CASKIN1: variants seen among roughly 807,000 people sequenced by gnomAD.
CASKIN1 encodes the protein CASK interacting protein 1.
Under a neutral mutation model 117.5 loss-of-function variants are expected in CASKIN1, and 42 were observed. That is an observed-to-expected ratio of 0.36 (90% CI 0.28 to 0.46). CASKIN1 has a LOEUF of 0.46. CASKIN1 is among the 20% of genes least tolerant of loss of function. The pLI, the probability that CASKIN1 is intolerant of heterozygous loss-of-function variation, is 1.00. For missense variants in CASKIN1, 2,083 were observed against 2,077.3 expected, an observed-to-expected ratio of 1.00 and a Z score of -0.05; for synonymous variants, 1,148 against 961.7, an observed-to-expected ratio of 1.19 and a Z score of -3.59.
rs779786538 is a variant in CASKIN1 at position 2,187,386 on chromosome 16, G to A, written c.693C>T (p.Cys231=). The part of the protein sequence containing the change: ...SGTALHEAAL[C]GKTEVVRLLL... Reference sequence around the variant, plus strand: ...GCAGCCGCACCACCTCTGTCTTTCCGCAGAGCGCAGCCTCGTGCAGGGCCG... The same window carrying A: ...GCAGCCGCACCACCTCTGTCTTTCCACAGAGCGCAGCCTCGTGCAGGGCCG... The change falls in exon 7 of 20, where the codon TGC becomes TGT. Residue 231 remains cysteine (C), a synonymous_variant. Coordinates refer to ENST00000343516, the MANE Select transcript of CASKIN1 (RefSeq NM_020764.4). 3 of 1,612,162 alleles carry A rather than the reference G, an allele frequency of 1.9e-6. No homozygotes were observed. The highest frequency in any genetic ancestry group is 1.1e-5 in the South Asian group (1 of 91,084).
chr16:2,184,433 A>G (rs976505149), intron 14 of CASKIN1, among the ~76,000 whole-genome samples: 9 of 152,028 alleles, frequency 5.9e-5, no homozygotes, highest in African/African-American at 1.9e-4. Flanking sequence ...GCACTCACAC[A>G]CCATACGCCG....
Position 2,178,188 on chromosome 16 carries a change from T to C in CASKIN1, c.*362A>G. 2 of 452,130 alleles carry C rather than the reference T, an allele frequency of 4.4e-6. No homozygotes were observed. Among genetic ancestry groups the C allele is most frequent in the South Asian group, 3.6e-5 (2 of 55,980 alleles). 28.0% of individuals were successfully genotyped at this position (452,130 alleles called of 1,614,324 possible). On this transcript the variant is annotated 3_prime_UTR_variant, in exon 20 of 20. Coordinates refer to ENST00000343516, the MANE Select transcript of CASKIN1 (RefSeq NM_020764.4). ...GACCTTGGTCCCCTGTCCCTTGTGC[T>C]GCGCCCGAGCGGCTGGCCGGGCGTC...
chr16:2,191,327 C>T (rs942750783), intron 1 of CASKIN1, among the ~76,000 whole-genome samples: 1 of 152,178 alleles, frequency 6.6e-6, no homozygotes, highest in Non-Finnish European at 1.5e-5. Context: ...CCCCTGCTGC[C>T]CCGGCCTCAG....
intron 1 of CASKIN1, among the ~76,000 whole-genome samples, chr16:2,190,913 C>T (rs1281499377): frequency 3.3e-5 from 5 of 152,336 alleles, no homozygotes; most frequent in East Asian, 1.9e-4. Flanking sequence ...GGGAGGCAGG[C>T]GAGTGGGCTG....
intron 6 of CASKIN1, 134 bp from the exon 7 acceptor site, chr16:2,187,595 G>A: frequency 4.4e-6 from 3 of 674,948 alleles, no homozygotes; most frequent in Non-Finnish European, 7.7e-6. Context: ...CCTGCCCCAT[G>A]TCTCTGACAT....
At position 2,182,411 on chromosome 16, in the gene CASKIN1, AAC is replaced by A. The variant is rs1167834067; in HGVS notation, c.1630-484_1630-483del. Among the ~76,000 whole-genome samples the A allele has an allele frequency of 6.6e-6, 1 of 151,884 alleles. No homozygotes were observed. The highest frequency in any genetic ancestry group is 1.5e-5 in the Non-Finnish European group (1 of 67,968). ...GGCCACACACATGCCACACAGCCAC[AAC>A]ACACACACGTGCCAACACCCACAGC... On this transcript the variant is annotated intron_variant, in intron 16 of 19. Coordinates refer to ENST00000343516, the MANE Select transcript of CASKIN1 (RefSeq NM_020764.4). The surrounding 1 kb of genome is among the most constrained non-coding windows in gnomAD (Gnocchi z 4.1).
In CASKIN1 at chr16:2,181,094, G is replaced by T. The variant is rs546211696; in HGVS notation, c.2274C>A (p.Pro758=). The T allele has an allele frequency of 6.8e-7, 1 of 1,479,394 alleles. No individual in the cohort carries two copies. Among genetic ancestry groups the T allele is most frequent in the Non-Finnish European group, 8.9e-7 (1 of 1,122,394 alleles). The allele number at this position is 1,479,394 out of a possible 1,614,324, so 91.6% of individuals were successfully genotyped here. ...GGACCTGCCGTGGCTTGCCAGGCACGGGGGGCACGCTGGCCCTCTTGATGC... is the reference window on the plus strand; with the variant it reads ...GGACCTGCCGTGGCTTGCCAGGCACTGGGGGCACGCTGGCCCTCTTGATGC... ...GHSIKRASVP[P]VPGKPRQVLP... is the part of the protein sequence containing the mutation. The change falls in exon 18 of 20, where the codon CCC becomes CCA. Residue 758 remains proline, a synonymous_variant. Transcript: ENST00000343516.
Position 2,196,367 on chromosome 16 carries a change from C to A in CASKIN1, c.66G>T (p.Leu22=). The change falls in exon 1 of 20, where the codon CTG becomes CTT. Residue 22 remains leucine (L), a synonymous_variant. Transcript: ENST00000343516. This position sits in a 1 kb window ranked among gnomAD's most constrained non-coding sequence, Gnocchi z 5.7. ...CCTTCCCGGGCCGCGGCCTCTGCAG[C>A]AGCCTCTGCGCGGTCCCTACGTCCT... ...KAEDVGTAQR[L]LQRPRPGKAK... is the part of the protein sequence containing the mutation. 7.4e-7 allele frequency: 1 copy of A among 1,352,274 alleles called. No individual in the cohort carries two copies. Among genetic ancestry groups the A allele is most frequent in the Non-Finnish European group, 9.6e-7 (1 of 1,039,162 alleles). 83.8% of individuals were successfully genotyped at this position (1,352,274 alleles called of 1,614,324 possible).
Position 2,189,199 on chromosome 16 carries a change from TC to T in CASKIN1, c.486+38del, listed in dbSNP as rs1312554081. The T allele has an allele frequency of 2.5e-6, 4 of 1,612,274 alleles. No individual in the cohort carries two copies. In the Admixed American group the frequency reaches 6.7e-5, roughly 27 times the overall value. On this transcript the variant is annotated intron_variant, in intron 5 of 19. Coordinates refer to ENST00000343516, the MANE Select transcript of CASKIN1 (RefSeq NM_020764.4). ...GGGTAGGGGGGTCCTGATGTGGGGCTCCCCAGCCCCACCCCACAGGGCTCCA... is the reference window on the plus strand; with the variant it reads ...GGGTAGGGGGGTCCTGATGTGGGGCTCCCAGCCCCACCCCACAGGGCTCCA...
Position 2,189,984 on chromosome 16 carries a change from G to A in CASKIN1, c.244+89C>T. 7.3e-6 allele frequency: 9 copies of A among 1,234,866 alleles called. No individual in the cohort carries two copies. In the Admixed American group the frequency reaches 9.8e-5, roughly 13 times the overall value. The allele number at this position is 1,234,866 out of a possible 1,614,324, so 76.5% of individuals were successfully genotyped here. ...AAATCAGACTGAGACCCTGGGCTGA[G>A]ACCTCAGCCAAGGATCCATGCAGGC... On this transcript the variant is annotated intron_variant, in intron 3 of 19. Coordinates refer to ENST00000343516, the MANE Select transcript of CASKIN1 (RefSeq NM_020764.4).
rs202188634 is a variant in CASKIN1, at chr16:2,181,459, G to A, written c.1909C>T (p.Pro637Ser). Residue 637 changes from proline to serine, a missense_variant, in exon 18 of 20, where the codon CCT becomes TCT. Pro to Ser is a moderately conservative substitution (Grantham distance 74). Transcript: ENST00000343516. ...EVMAIESPPPPEPTPADCQSP... is the reference protein window; with the variant it reads ...EVMAIESPPPSEPTPADCQSP... ...TGGCAGTCGGCCGGTGTGGGCTCAG[G>A]CGGGGGCGGCGACTCGATGGCCATC... The A allele has an allele frequency of 3.1e-6, 5 of 1,612,042 alleles. No individual in the cohort carries two copies. In the African/African-American group the frequency reaches 6.7e-5, roughly 21 times the overall value.
rs572121230 is a variant in CASKIN1 at position 2,180,656 on chromosome 16, G to A, written c.2712C>T (p.Ala904=). The change falls in exon 18 of 20, where the codon GCC becomes GCT. Residue 904 remains alanine (A), a synonymous_variant. Transcript: ENST00000343516. ...ERDELLVPAA[A]GPYATVQRRV... is the part of the protein sequence containing the mutation. ...GCCGCTGGACCGTGGCATAGGGGCC[G>A]GCAGCCGCAGGCACCAGCAGCTCGT... is the stretch of plus-strand genomic sequence containing the variant. 85 of 1,526,902 alleles carry A rather than the reference G, an allele frequency of 5.6e-5. No individual in the cohort carries two copies. Among genetic ancestry groups the A allele is most frequent in the African/African-American group, 5.3e-4 (38 of 72,334 alleles). The allele number at this position is 1,526,902 out of a possible 1,614,324, so 94.6% of individuals were successfully genotyped here. A position where few individuals can be genotyped will look rare whatever the true frequency, so the allele number is the denominator to read the frequency against.
At chr16:2,187,863 A>G (rs1415183304) in intron 6 of CASKIN1, among the ~76,000 whole-genome samples, 1 of 151,960 alleles carries the variant, frequency 6.6e-6, no homozygotes, top group East Asian at 1.9e-4. Context: ...AAGTGCTGGG[A>G]GTACAGGCGT....
intron 1 of CASKIN1, among the ~76,000 whole-genome samples, chr16:2,191,053 C>G (rs942801492): frequency 6.6e-6 from 1 of 152,188 alleles, no homozygotes. Context: ...TCCTGGCCTC[C>G]CCCAGCCAGC....
chr16:2,178,100 T>A lies in CASKIN1; in HGVS notation c.*450A>T, dbSNP rs897270569. 6.0e-6 allele frequency: 3 copies of A among 504,196 alleles called. No individual in the cohort carries two copies. The highest frequency in any genetic ancestry group is 1.2e-5 in the Non-Finnish European group (3 of 260,630). 31.2% of individuals were successfully genotyped at this position (504,196 alleles called of 1,614,324 possible). ...TCTGGGGAAATCCGCCTCAGCTCAT[T>A]CCCAATAAATTAATACTCTTGATAG... On this transcript the variant is annotated 3_prime_UTR_variant, in exon 20 of 20. Transcript: ENST00000343516.
At chr16:2,181,973 G>T in intron 16 of CASKIN1, 44 bp from the exon 17 acceptor site, 1 of 1,606,148 alleles carries the variant, frequency 6.2e-7, no homozygotes, top group South Asian at 1.1e-5. Context: ...CTGGCTGCCC[G>T]CACCCTGCCC....
chr16:2,184,644 G>A, intron 14 of CASKIN1, 133 bp downstream of exon 14: 5 of 640,142 alleles, frequency 7.8e-6, no homozygotes, highest in East Asian at 3.0e-5. Context: ...ACAGACAGAG[G>A]AGAGGGTCTG....
intron 19 of CASKIN1, 96 bp downstream of exon 19, chr16:2,178,786 ACGCCCATCTCTGCCGAGCCC>A (rs756029590): frequency 0.042 from 54,282 of 1,291,444 alleles, 5,139 homozygotes; most frequent in African/African-American, 0.17. Context: ...CGCTCACGGC[ACGCCCATCTCTGCCGAGCCC>A]CGCCCATCTC....
At chr16:2,181,972 C>A (rs756554085) in intron 16 of CASKIN1, 43 bp from the exon 17 acceptor site, 4 of 1,606,500 alleles carry the variant, frequency 2.5e-6, no homozygotes, top group Non-Finnish European at 3.4e-6. Flanking sequence ...GCTGGCTGCC[C>A]GCACCCTGCC....
Sources: gnomAD v4.1 joint callset for allele counts (sites outside exome capture counted in the v4.1 genomes callset) on GRCh38, gnomAD v4.1.1 for gene constraint, Gnocchi (gnomAD v3.1) non-coding constraint, MANE v1.5 for transcripts, NCBI Gene and HGNC (gene_info 2026-07-23, HGNC 2026-07-21) for gene names.